CHSY3: variants seen among roughly 807,000 people sequenced by gnomAD.
CHSY3 encodes N-acetylgalactosaminyl-proteoglycan 3-beta-glucuronosyltransferase 3.
In CHSY3, 35 loss-of-function variants were observed where a neutral mutation model predicts 67.2. The observed-to-expected ratio is 0.52, with a 90% CI of 0.40 to 0.69. CHSY3 has a LOEUF of 0.69. Ranked by LOEUF, CHSY3 falls within the 30% of genes least tolerant of loss-of-function variation. The pLI is 0.00. For missense variants in CHSY3, 1,069 were observed against 1,138.5 expected (o/e 0.94, Z 0.88); for synonymous variants, 474 against 434.7 (o/e 1.09, Z -1.12).
intron 2 of CHSY3, among the ~76,000 whole-genome samples, chr5:130,044,701 CG>C (rs1765094472): frequency 6.6e-6 from 1 of 151,732 alleles, no homozygotes; most frequent in African/African-American, 2.4e-5. Flanking sequence ...ATGAAGGAGG[CG>C]GGATATTTTT....
At chr5:129,918,805 T>C (rs1198788386) in intron 2 of CHSY3, among the ~76,000 whole-genome samples, 3 of 43,672 alleles carry the variant, frequency 6.9e-5, no homozygotes, top group Non-Finnish European at 1.3e-4. Context: ...AGTGATTCTC[T>C]TTTAAAAAAA....
chr5:130,146,990 C>T (rs1411813579), intron 2 of CHSY3, among the ~76,000 whole-genome samples: 1 of 152,078 alleles, frequency 6.6e-6, no homozygotes, highest in Non-Finnish European at 1.5e-5. Flanking sequence ...GACGGGGTTT[C>T]ACCACGTTGG....
chr5:130,111,453 T>C (rs1361168986), intron 2 of CHSY3, among the ~76,000 whole-genome samples: 4 of 152,242 alleles, frequency 2.6e-5, no homozygotes, highest in South Asian at 4.1e-4. Context: ...GAGCACATTA[T>C]ACAATCAGCC....
Position 129,929,341 on chromosome 5 carries a change from C to T in CHSY3, c.1086+20981C>T, listed in dbSNP as rs139040289. On this transcript the variant is annotated intron_variant, in intron 2 of 2. Transcript: ENST00000305031. ...TATGTAAGAATAAAGTTTTCATTTT[C>T]GGTAGAAACAGAAAATTGTATCTTT... Among the ~76,000 whole-genome samples the T allele has an allele frequency of 4.1e-3, 622 of 152,268 alleles. 8 individuals carry two copies. The highest frequency in any genetic ancestry group is 0.017 in the Middle Eastern group (5 of 294).
intron 2 of CHSY3, among the ~76,000 whole-genome samples, chr5:130,124,953 G>A (rs1271165522): frequency 1.3e-5 from 2 of 152,212 alleles, no homozygotes; most frequent in East Asian, 1.9e-4. Flanking sequence ...CTCAATGCCA[G>A]TAAAAATTCT....
At chr5:129,936,172 G>T (rs1158803697) in intron 2 of CHSY3, among the ~76,000 whole-genome samples, 2 of 152,170 alleles carry the variant, frequency 1.3e-5, no homozygotes, top group East Asian at 3.8e-4. Context: ...ATCAAAGTCA[G>T]ATTTGGAGAA....
At chr5:130,007,187 A>T (rs575473044) in intron 2 of CHSY3, among the ~76,000 whole-genome samples, 53 of 152,318 alleles carry the variant, frequency 3.5e-4, no homozygotes, top group Middle Eastern at 3.4e-3. Context: ...CAATATTTTT[A>T]AAAAGTGAAG....
At chr5:130,059,997 A>T (rs1006217472) in intron 2 of CHSY3, among the ~76,000 whole-genome samples, 11 of 152,142 alleles carry the variant, frequency 7.2e-5, no homozygotes, top group African/African-American at 2.7e-4. Context: ...TACAAAAAAA[A>T]AACTGGTACC....
At chr5:129,935,104 T>G (rs995595014) in intron 2 of CHSY3, among the ~76,000 whole-genome samples, 1 of 152,216 alleles carries the variant, frequency 6.6e-6, no homozygotes, top group East Asian at 1.9e-4. Flanking sequence ...TTGGTAGTTA[T>G]CTCTCATTAT....
intron 2 of CHSY3, among the ~76,000 whole-genome samples, chr5:129,932,265 C>G (rs1761342162): frequency 6.6e-6 from 1 of 151,282 alleles, no homozygotes; most frequent in Non-Finnish European, 1.5e-5. Flanking sequence ...ATGGGAAATT[C>G]TAGCAGGAGT....
At chr5:129,910,279 A>G (rs1760491069) in intron 2 of CHSY3, among the ~76,000 whole-genome samples, 1 of 152,012 alleles carries the variant, frequency 6.6e-6, no homozygotes, top group African/African-American at 2.4e-5. Context: ...TTCGTAATAC[A>G]TTTGAATTTA....
At chr5:129,975,325 T>C (rs1183760975) in intron 2 of CHSY3, among the ~76,000 whole-genome samples, 1 of 152,198 alleles carries the variant, frequency 6.6e-6, no homozygotes, top group East Asian at 1.9e-4. Context: ...TCAAACTATA[T>C]GTAATTATTA....
chr5:130,072,704 C>G (rs1766117297), intron 2 of CHSY3, among the ~76,000 whole-genome samples: 1 of 152,002 alleles, frequency 6.6e-6, no homozygotes, highest in Non-Finnish European at 1.5e-5. Context: ...AAAAATGGCA[C>G]TGGAATTTTG....
chr5:130,116,096 G>A (rs892468044), intron 2 of CHSY3, among the ~76,000 whole-genome samples: 1 of 152,090 alleles, frequency 6.6e-6, no homozygotes, highest in African/African-American at 2.4e-5. Flanking sequence ...AATCCCTCTG[G>A]CAATTTCTTC....
intron 2 of CHSY3, among the ~76,000 whole-genome samples, chr5:129,947,135 T>C (rs1410836630): frequency 6.6e-6 from 1 of 152,100 alleles, no homozygotes; most frequent in Non-Finnish European, 1.5e-5. Flanking sequence ...GGAAGGGAAG[T>C]AAACACGTTT....
intron 2 of CHSY3, among the ~76,000 whole-genome samples, chr5:130,160,909 A>T (rs200942099): frequency 0.023 from 3,080 of 135,860 alleles, 59 homozygotes; most frequent in African/African-American, 0.045. Flanking sequence ...TTTTTTTTTT[A>T]TTTTTTTTTT....
At chr5:130,027,812 T>G (rs977149281) in intron 2 of CHSY3, among the ~76,000 whole-genome samples, 1 of 152,196 alleles carries the variant, frequency 6.6e-6, no homozygotes, top group African/African-American at 2.4e-5. Flanking sequence ...CATCCATTTT[T>G]ATGGCTGCAT....
chr5:129,940,887 T>C (rs541663879), intron 2 of CHSY3, among the ~76,000 whole-genome samples: 1 of 152,268 alleles, frequency 6.6e-6, no homozygotes, highest in Admixed American at 6.5e-5. Context: ...TGCAGGCTAA[T>C]GTAAGTGTTC....
At chr5:129,920,726 A>G (rs1760894122) in intron 2 of CHSY3, among the ~76,000 whole-genome samples, 1 of 152,246 alleles carries the variant, frequency 6.6e-6, no homozygotes. Flanking sequence ...TGTATCAGTA[A>G]AGCTAGCACT....
Sources: allele counts gnomAD v4.1 joint callset (sites outside exome capture counted in the v4.1 genomes callset), GRCh38; gene constraint gnomAD v4.1.1; transcripts MANE v1.5; gene names NCBI Gene and HGNC (gene_info 2026-07-23, HGNC 2026-07-21).